Variants in RPIA observed in about 807,000 individuals in gnomAD.
RPIA encodes the protein ribose-5-phosphate isomerase.
In RPIA, 29 loss-of-function variants were observed where a neutral mutation model predicts 37.8. The ratio of observed to expected loss-of-function variants is 0.77; its 90% CI spans 0.57 to 1.05. RPIA has a LOEUF of 1.05. Among genes scored for constraint, RPIA ranks in the 50% least tolerant of loss-of-function variants. The pLI, the probability that RPIA is intolerant of heterozygous loss-of-function variation, is 0.00. For missense variants in RPIA, 385 were observed against 413.6 expected (o/e 0.93, Z 0.60); for synonymous variants, 167 against 157.0 (o/e 1.06, Z -0.48).
intron 3 of RPIA, among the ~76,000 whole-genome samples, chr2:88,727,556 C>CA (rs1032733451): frequency 5.3e-5 from 8 of 152,214 alleles, no homozygotes; most frequent in Admixed American, 2.6e-4. Flanking sequence ...TCCCACCCTC[C>CA]ACCCTCTATC....
chr2:88,720,243 T>A (rs1409157929), intron 3 of RPIA, among the ~76,000 whole-genome samples: 1 of 140,112 alleles, frequency 7.1e-6, no homozygotes, highest in Non-Finnish European at 1.6e-5. Context: ...TAAAAAAAAA[T>A]TTGTCTCAGT....
At chr2:88,709,346 C>A (rs191896686) in intron 3 of RPIA, among the ~76,000 whole-genome samples, 1 of 152,264 alleles carries the variant, frequency 6.6e-6, no homozygotes, top group East Asian at 1.9e-4. Context: ...ATTTATAATC[C>A]TGGGCTGGAG....
chr2:88,723,630 C>T (rs1274719924), intron 3 of RPIA, among the ~76,000 whole-genome samples: 3 of 152,110 alleles, frequency 2.0e-5, no homozygotes, highest in Non-Finnish European at 4.4e-5. Context: ...TGTCAAAGGT[C>T]AGGGGTACCT....
intron 3 of RPIA, among the ~76,000 whole-genome samples, chr2:88,701,986 A>T (rs777602069): frequency 5.9e-5 from 9 of 152,258 alleles, no homozygotes; most frequent in South Asian, 2.1e-4. Context: ...TTATCATAGA[A>T]AAGAATCTTG....
rs533275952 is a variant in RPIA, at chr2:88,736,390, A to G, written c.597-145A>G. 183 of 740,392 alleles carry G rather than the reference A, an allele frequency of 2.5e-4. 1 individual carries two copies. The African/African-American group carries it at 2.7e-3, about 11-fold the overall frequency. 45.9% of individuals were successfully genotyped at this position (740,392 alleles called of 1,614,324 possible). A position where few individuals can be genotyped will look rare whatever the true frequency, so the allele number is the denominator to read the frequency against. On this transcript the variant is annotated intron_variant, in intron 6 of 8. Coordinates refer to ENST00000283646, the MANE Select transcript of RPIA (RefSeq NM_144563.3). ...TCTTTTCCTATATAGTGAAACAGCT[A>G]ATTCATTTGTAGCCCCATGTATATT...
chr2:88,705,844 C>T (rs1333002122), intron 3 of RPIA, among the ~76,000 whole-genome samples: 4 of 151,956 alleles, frequency 2.6e-5, no homozygotes, highest in Admixed American at 1.3e-4. Flanking sequence ...CTACAAGGAA[C>T]TTAAACAAAT....
chr2:88,749,090 G>A (rs572141250), intron 8 of RPIA, among the ~76,000 whole-genome samples: 1 of 152,300 alleles, frequency 6.6e-6, no homozygotes, highest in African/African-American at 2.4e-5. Flanking sequence ...AATAGGAAAA[G>A]TGCCACTATC....
At position 88,734,515 on chromosome 2, in the gene RPIA, G is replaced by T. The variant is rs546500172; in HGVS notation, c.463-37G>T. Reference sequence around the variant, plus strand: ...CAGGCAATTAGCAGAGGCTCCCCTCGAGTGGTTTTTGTATCTTTACCTTTC... The same window carrying T: ...CAGGCAATTAGCAGAGGCTCCCCTCTAGTGGTTTTTGTATCTTTACCTTTC... On this transcript the variant is annotated intron_variant, in intron 4 of 8. Transcript: ENST00000283646. 4.4e-5 allele frequency: 70 copies of T among 1,607,084 alleles called. 3 individuals carry two copies. The South Asian group carries it at 7.7e-4, about 18-fold the overall frequency.
chr2:88,717,177 T>G (rs370237586), intron 3 of RPIA, among the ~76,000 whole-genome samples: 32 of 152,182 alleles, frequency 2.1e-4, no homozygotes, highest in African/African-American at 7.7e-4. Flanking sequence ...ATAGAAAGAT[T>G]AGGGAGGGAG....
chr2:88,723,457 A>G (rs1673158791), intron 3 of RPIA, among the ~76,000 whole-genome samples: 1 of 152,330 alleles, frequency 6.6e-6, no homozygotes, highest in East Asian at 1.9e-4. Context: ...ACTCCAAAAA[A>G]CAAAAAGGTG....
chr2:88,691,719 C>A lies in RPIA; in HGVS notation c.21C>A (p.Phe7Leu). 1 of 1,589,238 alleles carries A rather than the reference C, an allele frequency of 6.3e-7. No homozygotes were observed. Among genetic ancestry groups the A allele is most frequent in the African/African-American group, 1.3e-5 (1 of 74,546 alleles). The change falls in exon 1 of 9, where the codon TTC (phenylalanine) becomes TTA (leucine). Residue 7 changes from phenylalanine (F) to leucine (L), a missense_variant. By Grantham distance (22) the Phe-to-Leu change is conservative. Transcript: ENST00000283646. Reference protein sequence around the residue: MQRPGPFSTLYGRVLAP... With the variant: MQRPGPLSTLYGRVLAP... ...TCGGGATGCAGCGCCCCGGGCCCTT[C>A]AGCACCCTCTACGGGCGGGTCTTGG...
chr2:88,736,562 G>C lies in RPIA; in HGVS notation c.624G>C (p.Gln208His). Residue 208 changes from glutamine to histidine, a missense_variant, in exon 7 of 9, where the codon CAG becomes CAC. By Grantham distance (24) the Gln-to-His change is conservative (BLOSUM62 0). This residue lies in a region of RPIA where 153 missense variants were observed against 210.6 expected (regional missense o/e 0.73). Transcript: ENST00000283646. ...FRKDSKNLGD[Q>H]WHKGIPIEVI... The stretch of plus-strand genomic sequence containing the variant: ...AAGATTCGAAGAATCTCGGGGATCA[G>C]TGGCACAAGGGAATCCCCATCGAGG... 1 of 1,614,174 alleles carries C rather than the reference G, an allele frequency of 6.2e-7. No individual in the cohort carries two copies. The highest frequency in any genetic ancestry group is 8.5e-7 in the Non-Finnish European group (1 of 1,180,038).
At chr2:88,727,091 G>A (rs1416643016) in intron 3 of RPIA, among the ~76,000 whole-genome samples, 3 of 152,106 alleles carry the variant, frequency 2.0e-5, no homozygotes, top group East Asian at 1.9e-4. Context: ...GTGCGTGTGT[G>A]TGTGTGCGCG....
intron 8 of RPIA, among the ~76,000 whole-genome samples, chr2:88,741,636 T>C (rs1353766121): frequency 6.6e-6 from 1 of 152,126 alleles, no homozygotes; most frequent in Non-Finnish European, 1.5e-5. Context: ...TACTTTTGAG[T>C]TTTTTAAGGA....
chr2:88,718,785 C>T (rs1292088240), intron 3 of RPIA, among the ~76,000 whole-genome samples: 1 of 152,118 alleles, frequency 6.6e-6, no homozygotes, highest in Non-Finnish European at 1.5e-5. Flanking sequence ...ACAAATACTC[C>T]CCAAGTTTTA....
At chr2:88,735,849 C>A in intron 6 of RPIA, 112 bp downstream of exon 6, 2 of 1,026,274 alleles carry the variant, frequency 1.9e-6, no homozygotes, top group East Asian at 2.4e-5. Flanking sequence ...GTCTGACTTT[C>A]TGAGACTGAT....
rs114850041 is a variant in RPIA, at chr2:88,695,592, G to C, written c.286-2892G>C. On this transcript the variant is annotated intron_variant, in intron 1 of 8. Coordinates refer to ENST00000283646, the MANE Select transcript of RPIA (RefSeq NM_144563.3). ...ATTCCTTGAAGATTTTTATATGTGAGATATTTAGCCATTTTGAATGTTTCT... is the reference window on the plus strand; with the variant it reads ...ATTCCTTGAAGATTTTTATATGTGACATATTTAGCCATTTTGAATGTTTCT... Among the ~76,000 whole-genome samples the C allele has an allele frequency of 1.4e-3, 217 of 152,302 alleles. 2 individuals carry two copies. The highest frequency in any genetic ancestry group is 5.1e-3 in the African/African-American group (211 of 41,558).
chr2:88,742,065 C>T (rs1673389412), intron 8 of RPIA, among the ~76,000 whole-genome samples: 1 of 152,100 alleles, frequency 6.6e-6, no homozygotes, highest in Non-Finnish European at 1.5e-5. Context: ...TAATTAAGTT[C>T]CACCTACTTA....
intron 8 of RPIA, among the ~76,000 whole-genome samples, chr2:88,742,574 T>G (rs1673395558): frequency 6.6e-6 from 1 of 152,214 alleles, no homozygotes; most frequent in African/African-American, 2.4e-5. Flanking sequence ...TTTTTCTAGT[T>G]CTGTGAAGAA....
Sources: allele counts gnomAD v4.1 joint callset (sites outside exome capture counted in the v4.1 genomes callset), GRCh38; gene constraint gnomAD v4.1.1; regional missense constraint gnomAD v4.1.1; transcripts MANE v1.5; gene names NCBI Gene and HGNC (gene_info 2026-07-23, HGNC 2026-07-21).